The following MAP2K3 variants were observed in gnomAD, a reference collection of about 807,000 sequenced individuals.
The protein encoded by MAP2K3 is mitogen-activated protein kinase kinase 3.
Under a neutral mutation model 46.4 loss-of-function variants are expected in MAP2K3, and 30 were observed. The ratio of observed to expected loss-of-function variants is 0.65; its 90% CI spans 0.48 to 0.88. The LOEUF is 0.88. Ranked by LOEUF, MAP2K3 falls within the 40% of genes least tolerant of loss-of-function variation. The pLI, the probability that MAP2K3 is intolerant of heterozygous loss-of-function variation, is 0.00. For missense variants in MAP2K3, 380 were observed against 464.5 expected (o/e 0.82, Z 1.67); for synonymous variants, 189 against 176.3 (o/e 1.07, Z -0.57).
intron 1 of MAP2K3, among the ~76,000 whole-genome samples, chr17:21,293,556 G>A (rs1360649239): frequency 6.6e-6 from 1 of 151,230 alleles, no homozygotes; most frequent in Non-Finnish European, 1.5e-5. Context: ...AGGGGGCGCT[G>A]CCAGGTGGAT....
Position 21,298,879 on chromosome 17 carries a change from C to G in MAP2K3, c.118C>G (p.Pro40Ala), listed in dbSNP as rs33911218. 3.1e-6 allele frequency: 5 copies of G among 1,613,988 alleles called. No individual in the cohort carries two copies. The highest frequency in any genetic ancestry group is 4.2e-6 in the Non-Finnish European group (5 of 1,179,882). The change falls in exon 3 of 12, where the codon CCC becomes GCC. Residue 40 changes from proline (P) to alanine (A), a missense_variant and splice_region_variant. Coordinates refer to ENST00000342679, the MANE Select transcript of MAP2K3 (RefSeq NM_145109.3). ...TCACGGAGTCTTCTTTCTCCACAGA[C>G]CCCCCCGGAACCTGGACTCCCGGAC... ...MSKPPAPNPT[P>A]PRNLDSRTFI...
At position 21,301,045 on chromosome 17, in the gene MAP2K3, G is replaced by A. The variant is rs753469704; in HGVS notation, c.399+52G>A. The stretch of plus-strand genomic sequence containing the variant: ...GATCTCCACCTCCCACCCATCAGTC[G>A]CCTGCAACCCACTGTCACTCAGTCC... On this transcript the variant is annotated intron_variant, in intron 5 of 11. Coordinates refer to ENST00000342679, the MANE Select transcript of MAP2K3 (RefSeq NM_145109.3). 72 of 1,612,616 alleles carry A rather than the reference G, an allele frequency of 4.5e-5. No individual in the cohort carries two copies. In the Middle Eastern group the frequency reaches 4.9e-4, roughly 11 times the overall value.
At chr17:21,307,878 C>T (rs1443559904) in intron 9 of MAP2K3, among the ~76,000 whole-genome samples, 7 of 115,740 alleles carry the variant, frequency 6.0e-5, no homozygotes, top group Admixed American at 1.2e-4. Context: ...TTTTTTGAGA[C>T]GGAGTTGCAC....
intron 1 of MAP2K3, among the ~76,000 whole-genome samples, chr17:21,293,501 G>T (rs1282316716): frequency 6.6e-6 from 1 of 151,842 alleles, no homozygotes; most frequent in Admixed American, 6.6e-5. Flanking sequence ...CCCACCGGAT[G>T]TTAGGGGTGC....
chr17:21,296,900 AGCT>A (rs3035372), intron 1 of MAP2K3, among the ~76,000 whole-genome samples: 113 of 150,388 alleles, frequency 7.5e-4, no homozygotes, highest in African/African-American at 2.6e-3. Context: ...ATGTGGCGGC[AGCT>A]GCTGCTGCTG....
intron 1 of MAP2K3, among the ~76,000 whole-genome samples, chr17:21,292,199 C>A (rs905322853): frequency 4.6e-5 from 7 of 152,302 alleles, no homozygotes; most frequent in Admixed American, 4.6e-4. Flanking sequence ...GCCTGGCTGC[C>A]CCTTCAGACA....
At chr17:21,299,612 G>A (rs1976473859) in intron 3 of MAP2K3, among the ~76,000 whole-genome samples, 1 of 152,244 alleles carries the variant, frequency 6.6e-6, no homozygotes, top group East Asian at 1.9e-4. Context: ...AACCCAGGAG[G>A]TGGATGTTGC....
At chr17:21,301,019 G>A (rs759909668) in intron 5 of MAP2K3, 26 bp downstream of exon 5, 1 of 1,613,884 alleles carries the variant, frequency 6.2e-7, no homozygotes. Flanking sequence ...ATGCAGCTGG[G>A]GATCTCCACC....
At chr17:21,301,128 C>G (rs1976576669) in intron 5 of MAP2K3, 135 bp downstream of exon 5, 1 of 1,458,914 alleles carries the variant, frequency 6.9e-7, no homozygotes, top group Non-Finnish European at 9.4e-7. Context: ...TCCCCCGTCT[C>G]TTGGCTGTTA....
At chr17:21,297,712 G>A (rs2144538705) in intron 1 of MAP2K3, among the ~76,000 whole-genome samples, 1 of 44,968 alleles carries the variant, frequency 2.2e-5, no homozygotes. Context: ...GCCAGCCTGA[G>A]AGGTGTGGAC....
intron 3 of MAP2K3, 111 bp downstream of exon 3, chr17:21,299,037 C>T (rs1976437810): frequency 6.6e-7 from 1 of 1,506,992 alleles, no homozygotes; most frequent in East Asian, 2.3e-5. Context: ...CAGAGAGGGT[C>T]AGGCTCTGGA....
chr17:21,308,972 A>G (rs1977032503), intron 9 of MAP2K3, among the ~76,000 whole-genome samples: 1 of 152,312 alleles, frequency 6.6e-6, no homozygotes, highest in African/African-American at 2.4e-5. Context: ...CCAAACCAAC[A>G]GCGGTTTCTT....
At chr17:21,295,997 A>G (rs1031021537) in intron 1 of MAP2K3, 6 of 1,270,578 alleles carry the variant, frequency 4.7e-6, no homozygotes, top group Admixed American at 4.7e-5. Context: ...AAAATATTTT[A>G]TATTCTGGTT....
Position 21,314,279 on chromosome 17 carries a change from A to G in MAP2K3, c.*49A>G, listed in dbSNP as rs747859904. 5.4e-6 allele frequency: 8 copies of G among 1,476,476 alleles called. No individual in the cohort carries two copies. In the South Asian group the frequency reaches 7.9e-5, roughly 15 times the overall value. The allele number at this position is 1,476,476 out of a possible 1,614,324, so 91.5% of individuals were successfully genotyped here. A position where few individuals can be genotyped will look rare whatever the true frequency, so the allele number is the denominator to read the frequency against. ...CGGCCCTCCAGAGCCCCACAGCCCC[A>G]TCTGCGGGGGCAGTGCTCACCCACA... On this transcript the variant is annotated 3_prime_UTR_variant, in exon 12 of 12. Coordinates refer to ENST00000342679, the MANE Select transcript of MAP2K3 (RefSeq NM_145109.3).
chr17:21,295,504 C>T (rs545904964), intron 1 of MAP2K3: 1 of 932,876 alleles, frequency 1.1e-6, no homozygotes. Flanking sequence ...ACGGCTGCAC[C>T]TGGGCAGCCC....
chr17:21,296,138 C>A (rs916819976), intron 1 of MAP2K3: 7 of 1,289,494 alleles, frequency 5.4e-6, no homozygotes, highest in South Asian at 1.2e-5. Context: ...AGGTCCCCAT[C>A]TGCGCAGTGA....
At chr17:21,288,459 C>T (rs772467970) in intron 1 of MAP2K3, among the ~76,000 whole-genome samples, 2 of 152,216 alleles carry the variant, frequency 1.3e-5, no homozygotes, top group African/African-American at 2.4e-5. Context: ...AGAGGTGGTG[C>T]AGGGTCGGCT....
At position 21,296,083 on chromosome 17, in the gene MAP2K3, CAG is replaced by C. The variant is rs770482261; in HGVS notation, c.50-2325_50-2324del. On this transcript the variant is annotated intron_variant, in intron 1 of 11. Coordinates refer to ENST00000342679, the MANE Select transcript of MAP2K3 (RefSeq NM_145109.3). ...AGGGCAGTTTTTTTTTTCACCTCTG[CAG>C]AGAGGCTGGTCATATCCATGGTGAC... 6.2e-6 allele frequency: 8 copies of C among 1,289,334 alleles called. No homozygotes were observed. In the South Asian group the frequency reaches 9.9e-5, roughly 16 times the overall value. The allele number at this position is 1,289,334 out of a possible 1,614,324, so 79.9% of individuals were successfully genotyped here.
intron 3 of MAP2K3, among the ~76,000 whole-genome samples, chr17:21,299,685 A>C (rs1343595118): frequency 1.4e-4 from 3 of 21,110 alleles, no homozygotes; most frequent in South Asian, 1.1e-3. Context: ...CCGTTTCAAA[A>C]AAAAAAAAAA....
Sources: gnomAD v4.1 joint callset for allele counts (sites outside exome capture counted in the v4.1 genomes callset) on GRCh38, gnomAD v4.1.1 for gene constraint, MANE v1.5 for transcripts, NCBI Gene and HGNC (gene_info 2026-07-23, HGNC 2026-07-21) for gene names.